LUZP2: variants seen among roughly 807,000 people sequenced by gnomAD.
The protein encoded by LUZP2 is leucine zipper protein 2.
LUZP2 carries 52 observed loss-of-function variants against 51.6 expected under a neutral mutation model. The observed-to-expected ratio is 1.01, with a 90% CI of 0.81 to 1.27. The LOEUF is 1.27. Among genes scored for constraint, LUZP2 ranks in the 50% most tolerant of loss-of-function variants. The pLI is 0.00. For synonymous variants in LUZP2, 154 were observed against 137.3 expected (o/e 1.12, Z -0.85); for missense variants, 436 against 395.4 (o/e 1.10, Z -0.87).
At chr11:24,624,826 A>G (rs991605221) in intron 1 of LUZP2, among the ~76,000 whole-genome samples, 3 of 152,294 alleles carry the variant, frequency 2.0e-5, no homozygotes, top group Non-Finnish European at 4.4e-5. Context: ...AAAGGGTAGT[A>G]TTATTATAAT....
intron 1 of LUZP2, among the ~76,000 whole-genome samples, chr11:24,598,834 C>A (rs1853529974): frequency 6.6e-6 from 1 of 152,090 alleles, no homozygotes; most frequent in Non-Finnish European, 1.5e-5. Context: ...AAAAACAATT[C>A]CAAAGATAGG....
chr11:24,664,189 A>C (rs1053316127), intron 1 of LUZP2, among the ~76,000 whole-genome samples: 2 of 152,146 alleles, frequency 1.3e-5, no homozygotes, highest in African/African-American at 4.8e-5. Flanking sequence ...CTCAGAAGAC[A>C]GGAAGATGTG....
intron 1 of LUZP2, among the ~76,000 whole-genome samples, chr11:24,706,052 A>T (rs1857571736): frequency 6.6e-6 from 1 of 152,092 alleles, no homozygotes; most frequent in Non-Finnish European, 1.5e-5. Context: ...GCAATGAAAA[A>T]ATTTTCACTG....
rs190150267 is a variant in LUZP2, at chr11:24,659,057, C to T, written c.63-70112C>T. 4.1e-4 allele frequency among the ~76,000 whole-genome samples: 63 copies of T among 152,294 alleles called. No homozygotes were observed. In the East Asian group the frequency reaches 0.012, roughly 29 times the overall value. ...AACTAGAAATACCATTTAACCCAGC[C>T]ATCCCATTACTGGGTGTATACCCAA... On this transcript the variant is annotated intron_variant, in intron 1 of 11. Coordinates refer to ENST00000336930, the MANE Select transcript of LUZP2 (RefSeq NM_001009909.4).
At position 25,079,608 on chromosome 11, in the gene LUZP2, C is replaced by T. The variant is rs369911470; in HGVS notation, c.*950C>T. On this transcript the variant is annotated 3_prime_UTR_variant, in exon 12 of 12. Coordinates refer to ENST00000336930, the MANE Select transcript of LUZP2 (RefSeq NM_001009909.4). ...ATGGCAGTGTTAATCCATAAGAGTT[C>T]TGATTTTCTATAGGAATATCACTAA... 8 of 152,162 alleles carry T rather than the reference C, an allele frequency of 5.3e-5. No individual in the cohort carries two copies. Among genetic ancestry groups the T allele is most frequent in the African/African-American group, 1.9e-4 (8 of 41,520 alleles). 9.4% of individuals were successfully genotyped at this position (152,162 alleles called of 1,614,324 possible). A position where few individuals can be genotyped will look rare whatever the true frequency, so the allele number is the denominator to read the frequency against.
intron 7 of LUZP2, among the ~76,000 whole-genome samples, chr11:24,915,417 C>T (rs1163600655): frequency 1.3e-5 from 2 of 152,026 alleles, no homozygotes; most frequent in Non-Finnish European, 2.9e-5. Flanking sequence ...AAACTATGTA[C>T]ACAATCAAAG....
chr11:24,972,888 T>C (rs1449128608), intron 7 of LUZP2, among the ~76,000 whole-genome samples: 4 of 152,042 alleles, frequency 2.6e-5, no homozygotes, highest in African/African-American at 9.7e-5. Context: ...GAAGTTTTCT[T>C]TTTTTGTTGT....
intron 1 of LUZP2, among the ~76,000 whole-genome samples, chr11:24,499,296 C>A (rs1283777215): frequency 6.6e-6 from 1 of 152,096 alleles, no homozygotes; most frequent in African/African-American, 2.4e-5. Flanking sequence ...ACCCAGAATA[C>A]CCTGTGATAT....
chr11:24,765,843 G>T (rs1860170949), intron 5 of LUZP2, among the ~76,000 whole-genome samples: 1 of 151,974 alleles, frequency 6.6e-6, no homozygotes, highest in African/African-American at 2.4e-5. Context: ...AGCCAGGATG[G>T]TCTCCATCTC....
rs1362328748 is a variant in LUZP2 at position 25,080,894 on chromosome 11, T to A, written c.*2236T>A. On this transcript the variant is annotated 3_prime_UTR_variant, in exon 12 of 12. Transcript: ENST00000336930. ...CCTGAAATTGTTATGAGAGATAACA[T>A]GTTGAAAGGTAAGAACTCAGGTTGA... The A allele has an allele frequency of 6.6e-6, 1 of 152,120 alleles. No individual in the cohort carries two copies. Among genetic ancestry groups the A allele is most frequent in the Non-Finnish European group, 1.5e-5 (1 of 68,022 alleles). 9.4% of individuals were successfully genotyped at this position (152,120 alleles called of 1,614,324 possible).
chr11:24,966,152 C>G (rs1052543419), intron 7 of LUZP2, among the ~76,000 whole-genome samples: 1 of 151,684 alleles, frequency 6.6e-6, no homozygotes, highest in African/African-American at 2.4e-5. Context: ...AACCATTTTA[C>G]ATATAAATAA....
chr11:24,692,163 G>A (rs374686110), intron 1 of LUZP2, among the ~76,000 whole-genome samples: 44 of 151,608 alleles, frequency 2.9e-4, no homozygotes, highest in African/African-American at 1.0e-3. Context: ...CAGGGATGGT[G>A]GAATTCTAAA....
intron 1 of LUZP2, among the ~76,000 whole-genome samples, chr11:24,605,964 T>C (rs1038870048): frequency 2.0e-5 from 3 of 151,884 alleles, no homozygotes; most frequent in Non-Finnish European, 4.4e-5. Context: ...TATTAGTCTT[T>C]ATATGTCTGA....
At chr11:24,748,682 C>G (rs1227879518) in intron 4 of LUZP2, among the ~76,000 whole-genome samples, 2 of 152,146 alleles carry the variant, frequency 1.3e-5, no homozygotes, top group Non-Finnish European at 2.9e-5. Flanking sequence ...TGGTCTTGAT[C>G]TCTTGACCTC....
intron 5 of LUZP2, among the ~76,000 whole-genome samples, chr11:24,780,645 G>A (rs1360373382): frequency 1.3e-5 from 2 of 152,090 alleles, no homozygotes; most frequent in African/African-American, 2.4e-5. Flanking sequence ...TATTTACTCT[G>A]TGATACCAGA....
chr11:24,687,832 G>T (rs1856939968), intron 1 of LUZP2, among the ~76,000 whole-genome samples: 1 of 152,104 alleles, frequency 6.6e-6, no homozygotes, highest in African/African-American at 2.4e-5. Flanking sequence ...CTTGAGATAA[G>T]AAATCACTAA....
At chr11:24,709,773 T>A (rs1270488512) in intron 1 of LUZP2, among the ~76,000 whole-genome samples, 1 of 152,148 alleles carries the variant, frequency 6.6e-6, no homozygotes, top group East Asian at 1.9e-4. Flanking sequence ...CGTTTTTGTA[T>A]TGGGGCCTCA....
At chr11:24,615,370 G>A (rs1338527285) in intron 1 of LUZP2, among the ~76,000 whole-genome samples, 1 of 151,780 alleles carries the variant, frequency 6.6e-6, no homozygotes, top group African/African-American at 2.4e-5. Context: ...CTACATTTTG[G>A]TCTTTTAAAT....
chr11:24,543,823 C>CCTCAAA (rs1851454915), intron 1 of LUZP2, among the ~76,000 whole-genome samples: 1 of 75,600 alleles, frequency 1.3e-5, no homozygotes, highest in South Asian at 6.8e-4. Context: ...CTCTGTCTCA[C>CCTCAAA]AAAAAAAAAA....
Sources: gnomAD v4.1 joint callset for allele counts (sites outside exome capture counted in the v4.1 genomes callset) on GRCh38, gnomAD v4.1.1 for gene constraint, MANE v1.5 for transcripts, NCBI Gene and HGNC (gene_info 2026-07-23, HGNC 2026-07-21) for gene names.